Variants in C8orf89 observed in about 807,000 individuals in gnomAD.
C8orf89 encodes chromosome 8 open reading frame 89, also known as putative uncharacterized protein C8orf89.
Under a neutral mutation model 15.8 loss-of-function variants are expected in C8orf89, and 14 were observed. The observed-to-expected ratio is 0.89, with a 90% CI of 0.59 to 1.39. C8orf89 has a LOEUF of 1.39. Among genes scored for constraint, C8orf89 ranks in the 40% most tolerant of loss-of-function variants. C8orf89 has a pLI of 0.00. For missense variants in C8orf89, 181 were observed against 184.5 expected, an observed-to-expected ratio of 0.98 and a Z score of 0.11; for synonymous variants, 55 against 62.2, an observed-to-expected ratio of 0.88 and a Z score of 0.54.
chr8:73,270,597 T>C, the C8orf89 span, among the ~76,000 whole-genome samples: 1 of 152,122 alleles, frequency 6.6e-6, no homozygotes, highest in Non-Finnish European at 1.5e-5. Context: ...AATATTAAAA[T>C]GAAGCTCTAA....
At chr8:73,251,830 G>A (rs1481575084) in intron 2 of C8orf89, among the ~76,000 whole-genome samples, 1 of 152,140 alleles carries the variant, frequency 6.6e-6, no homozygotes, top group Non-Finnish European at 1.5e-5. Context: ...CCATACCGAT[G>A]CAAAGTACAA....
chr8:73,279,162 T>C, the C8orf89 span, among the ~76,000 whole-genome samples: 1 of 152,224 alleles, frequency 6.6e-6, no homozygotes, highest in Admixed American at 6.5e-5. Context: ...AAATCTCCCG[T>C]TTGCAGCATC....
chr8:73,256,135 A>G (rs1242809202), intron 2 of C8orf89, among the ~76,000 whole-genome samples: 1 of 142,686 alleles, frequency 7.0e-6, no homozygotes, highest in Non-Finnish European at 1.5e-5. Flanking sequence ...ATAACAAATA[A>G]TAATAATAAT....
intron 3 of C8orf89, among the ~76,000 whole-genome samples, chr8:73,246,216 A>G (rs947615904): frequency 6.6e-6 from 1 of 152,228 alleles, no homozygotes; most frequent in Admixed American, 6.5e-5. Flanking sequence ...AAGTAATAAT[A>G]AGTATTTACA....
chr8:73,278,738 A>G, the C8orf89 span, among the ~76,000 whole-genome samples: 1 of 152,150 alleles, frequency 6.6e-6, no homozygotes, highest in Non-Finnish European at 1.5e-5. Flanking sequence ...TTATTCTCTA[A>G]GTCCTTATAA....
intron 2 of C8orf89, among the ~76,000 whole-genome samples, chr8:73,250,882 T>C (rs1813231417): frequency 6.6e-6 from 1 of 152,032 alleles, no homozygotes; most frequent in African/African-American, 2.4e-5. Flanking sequence ...CACTGTAACT[T>C]TGAACTCCTA....
the C8orf89 span, among the ~76,000 whole-genome samples, chr8:73,283,010 A>C: frequency 6.6e-6 from 1 of 152,204 alleles, no homozygotes; most frequent in Non-Finnish European, 1.5e-5. Context: ...ATGCAGTATG[A>C]ATTGAGGTAC....
chr8:73,273,583 G>A, the C8orf89 span, among the ~76,000 whole-genome samples: 2 of 152,112 alleles, frequency 1.3e-5, no homozygotes, highest in Admixed American at 1.3e-4. Context: ...TAGCCTGGGC[G>A]CCATGGGCAC....
At chr8:73,244,799 G>A (rs114063602) in intron 3 of C8orf89, among the ~76,000 whole-genome samples, 177 of 152,156 alleles carry the variant, frequency 1.2e-3, no homozygotes, top group African/African-American at 4.1e-3. Flanking sequence ...CAGGCATTAG[G>A]CAAACCTGAA....
the C8orf89 span, among the ~76,000 whole-genome samples, chr8:73,265,248 C>T: frequency 1.3e-5 from 2 of 152,108 alleles, no homozygotes; most frequent in Admixed American, 1.3e-4. Context: ...TTTTAAATTA[C>T]ATATGAAGCT....
At chr8:73,285,856 G>C in the C8orf89 span, among the ~76,000 whole-genome samples, 1 of 152,202 alleles carries the variant, frequency 6.6e-6, no homozygotes, top group African/African-American at 2.4e-5. Context: ...ACCACTCCTG[G>C]GGTGAGCATG....
intron 2 of C8orf89, among the ~76,000 whole-genome samples, chr8:73,253,906 T>A (rs1307293119): frequency 6.6e-6 from 1 of 150,668 alleles, no homozygotes; most frequent in African/African-American, 2.5e-5. Flanking sequence ...CCTCTTTTCC[T>A]AATTGAATAC....
chr8:73,283,017 G>A, the C8orf89 span, among the ~76,000 whole-genome samples: 1 of 152,170 alleles, frequency 6.6e-6, no homozygotes. Context: ...ATGAATTGAG[G>A]TACACAGGTT....
intron 1 of C8orf89, among the ~76,000 whole-genome samples, chr8:73,258,897 C>T (rs1167819455): frequency 6.6e-6 from 1 of 152,090 alleles, no homozygotes; most frequent in East Asian, 1.9e-4. Context: ...TCTCAAAGTG[C>T]TCAAATTACA....
the C8orf89 span, among the ~76,000 whole-genome samples, chr8:73,268,901 C>T: frequency 6.6e-6 from 1 of 152,108 alleles, no homozygotes; most frequent in Non-Finnish European, 1.5e-5. Context: ...AAAAACAAGA[C>T]AAAACAGCTT....
At chr8:73,268,444 A>T in the C8orf89 span, among the ~76,000 whole-genome samples, 1 of 151,898 alleles carries the variant, frequency 6.6e-6, no homozygotes, top group African/African-American at 2.4e-5. Flanking sequence ...GCGCCACTGC[A>T]CTCCAGCCTG....
the C8orf89 span, among the ~76,000 whole-genome samples, chr8:73,284,149 G>A: frequency 8.7e-5 from 13 of 149,408 alleles, no homozygotes; most frequent in Middle Eastern, 3.5e-3. Flanking sequence ...TGATACATCT[G>A]TACTATGAAA....
the C8orf89 span, among the ~76,000 whole-genome samples, chr8:73,278,298 C>T: frequency 6.6e-6 from 1 of 152,282 alleles, no homozygotes; most frequent in South Asian, 2.1e-4. Flanking sequence ...GTCAGAATCC[C>T]AATTCTCATT....
chr8:73,251,888 G>T (rs1227006437), intron 2 of C8orf89, among the ~76,000 whole-genome samples: 1 of 152,166 alleles, frequency 6.6e-6, no homozygotes, highest in East Asian at 1.9e-4. Flanking sequence ...CCTCCCCAAA[G>T]GGCACTGTGA....
Sources: allele counts gnomAD v4.1 joint callset (sites outside exome capture counted in the v4.1 genomes callset), GRCh38; gene constraint gnomAD v4.1.1; transcripts MANE v1.5; gene names NCBI Gene and HGNC (gene_info 2026-07-23, HGNC 2026-07-21).